ZC3H12C: variants seen among roughly 807,000 people sequenced by gnomAD.
ZC3H12C encodes probable ribonuclease ZC3H12C.
ZC3H12C carries 20 observed loss-of-function variants against 76.3 expected under a neutral mutation model. The observed-to-expected ratio is 0.26, with a 90% CI of 0.18 to 0.38. The LOEUF is 0.38. Among genes scored for constraint, ZC3H12C ranks in the 10% least tolerant of loss-of-function variants. The pLI is 1.00. For synonymous variants in ZC3H12C, 352 were observed against 399.6 expected, an observed-to-expected ratio of 0.88 and a Z score of 1.42; for missense variants, 874 against 1,086.5, an observed-to-expected ratio of 0.80 and a Z score of 2.75.
chr11:110,095,938 A>G (rs1861104895), intron 1 of ZC3H12C, among the ~76,000 whole-genome samples: 1 of 152,234 alleles, frequency 6.6e-6, no homozygotes, highest in Non-Finnish European at 1.5e-5. Flanking sequence ...ATGAAAATTA[A>G]TTCAATCAGG....
At chr11:110,155,686 G>T (rs888089747) in intron 3 of ZC3H12C, among the ~76,000 whole-genome samples, 3 of 152,162 alleles carry the variant, frequency 2.0e-5, no homozygotes, top group Non-Finnish European at 4.4e-5. Context: ...TTGTGTGTCT[G>T]TCTATACAGA....
intron 1 of ZC3H12C, among the ~76,000 whole-genome samples, chr11:110,130,395 T>A (rs552571117): frequency 6.6e-6 from 1 of 152,320 alleles, no homozygotes; most frequent in Middle Eastern, 3.4e-3. Flanking sequence ...TTTGTTTTCT[T>A]GTCTTGCAAC....
intron 3 of ZC3H12C, among the ~76,000 whole-genome samples, chr11:110,158,038 A>T (rs1862409217): frequency 6.6e-6 from 1 of 152,206 alleles, no homozygotes; most frequent in Non-Finnish European, 1.5e-5. Context: ...TGACATCTGT[A>T]GGTTTGTGCC....
rs1028468487 is a variant in ZC3H12C at position 110,167,963 on chromosome 11, T to C, written c.*2226T>C. 2.0e-5 allele frequency: 3 copies of C among 152,198 alleles called. No homozygotes were observed. The highest frequency in any genetic ancestry group is 4.4e-5 in the Non-Finnish European group (3 of 68,018). The allele number at this position is 152,198 out of a possible 1,614,324, so 9.4% of individuals were successfully genotyped here. ...AGGGTTACAAATGTGTAGTATCTTT[T>C]ATTTTAGTCATATTCTAAGACTTCT... On this transcript the variant is annotated 3_prime_UTR_variant, in exon 6 of 6. Coordinates refer to ENST00000278590, the MANE Select transcript of ZC3H12C (RefSeq NM_033390.2).
chr11:110,119,954 C>G (rs1478497429), intron 1 of ZC3H12C, among the ~76,000 whole-genome samples: 3 of 152,224 alleles, frequency 2.0e-5, no homozygotes, highest in Non-Finnish European at 2.9e-5. Context: ...ACATTCAGAT[C>G]ATAGCCCTGT....
chr11:110,155,445 C>G (rs542844290), intron 3 of ZC3H12C, among the ~76,000 whole-genome samples: 5 of 152,014 alleles, frequency 3.3e-5, no homozygotes, highest in Non-Finnish European at 7.4e-5. Flanking sequence ...CCACTAGTTC[C>G]CCTTCTAAGA....
rs1862540818 is a variant in ZC3H12C at position 110,164,532 on chromosome 11, A to C, written c.1447A>C (p.Lys483Gln). 1.2e-6 allele frequency: 2 copies of C among 1,614,010 alleles called. No individual in the cohort carries two copies. The highest frequency in any genetic ancestry group is 4.5e-5 in the East Asian group (2 of 44,872). Residue 483 changes from lysine to glutamine, a missense_variant, in exon 6 of 6, where the codon AAA becomes CAA. Physicochemically the swap from Lys to Gln is moderately conservative, Grantham distance 53. Transcript: ENST00000278590. The surrounding 1 kb of genome is among the most constrained non-coding windows in gnomAD (Gnocchi z 5.7). ...STKADSTSDV[K>Q]RGAPKRQSDP... ...CAAGGCTGATAGCACTTCTGATGTC[A>C]AACGAGGTGCTCCAAAGAGGCAATC...
Position 110,152,791 on chromosome 11 carries a change from A to C in ZC3H12C, c.774-128A>C, listed in dbSNP as rs1409353045. 41 of 1,051,754 alleles carry C rather than the reference A, an allele frequency of 3.9e-5. No homozygotes were observed. In the East Asian group the frequency reaches 1.1e-3, roughly 28 times the overall value. The allele number at this position is 1,051,754 out of a possible 1,614,324, so 65.2% of individuals were successfully genotyped here. A position where few individuals can be genotyped will look rare whatever the true frequency, so the allele number is the denominator to read the frequency against. On this transcript the variant is annotated intron_variant, in intron 2 of 5. Coordinates refer to ENST00000278590, the MANE Select transcript of ZC3H12C (RefSeq NM_033390.2). ...ATCTCGATGTGTCTCTGATCTATAA[A>C]CTCCATTTTAACTCTGACGTCTCTT...
intron 1 of ZC3H12C, among the ~76,000 whole-genome samples, chr11:110,098,123 C>A (rs1379706219): frequency 6.6e-6 from 1 of 152,144 alleles, no homozygotes; most frequent in African/African-American, 2.4e-5. Context: ...CTGTTACCGC[C>A]CCTGAAGACC....
intron 1 of ZC3H12C, among the ~76,000 whole-genome samples, chr11:110,113,322 G>A (rs1276707075): frequency 6.6e-6 from 1 of 152,114 alleles, no homozygotes; most frequent in Admixed American, 6.5e-5. Context: ...GTTAATAGCA[G>A]TATTCACCCA....
At chr11:110,125,356 C>G (rs1187490513) in intron 1 of ZC3H12C, among the ~76,000 whole-genome samples, 1 of 151,376 alleles carries the variant, frequency 6.6e-6, no homozygotes. Flanking sequence ...GAGTCTCGCT[C>G]TGTCATACAG....
chr11:110,122,441 A>T (rs1197340305), intron 1 of ZC3H12C, among the ~76,000 whole-genome samples: 1 of 151,498 alleles, frequency 6.6e-6, no homozygotes. Flanking sequence ...TTCTGCTTTT[A>T]AAAAAAAATC....
At chr11:110,124,194 A>T (rs1211240424) in intron 1 of ZC3H12C, 1 of 152,208 alleles carries the variant, frequency 6.6e-6, no homozygotes, top group East Asian at 1.9e-4. Flanking sequence ...GCTTCTTTGA[A>T]TGTTGGAAGC....
chr11:110,157,998 A>G (rs1210231407), intron 3 of ZC3H12C, among the ~76,000 whole-genome samples: 2 of 152,120 alleles, frequency 1.3e-5, no homozygotes, highest in African/African-American at 4.8e-5. Context: ...AAGCATTGAG[A>G]AGAAGTGAGC....
rs994131967 is a variant in ZC3H12C, at chr11:110,144,389, T to C, written c.773+6975T>C. ...AACGCTATGAGGTAGGTGAGGTTAT[T>C]TTCATTTTAAAGATGAGAAATTGAG... On this transcript the variant is annotated intron_variant, in intron 2 of 5. Transcript: ENST00000278590. Among the ~76,000 whole-genome samples, 4 of 152,190 alleles carry C rather than the reference T, an allele frequency of 2.6e-5. No homozygotes were observed. The East Asian group carries it at 7.7e-4, about 29-fold the overall frequency.
chr11:110,149,066 C>T (rs10891069), intron 2 of ZC3H12C, among the ~76,000 whole-genome samples: 31,028 of 152,094 alleles, frequency 0.2, 3,205 homozygotes, highest in Middle Eastern at 0.29. Context: ...TGACAAGTCC[C>T]ATCTGCAGAT....
intron 1 of ZC3H12C, among the ~76,000 whole-genome samples, chr11:110,102,829 A>G (rs938842031): frequency 6.6e-6 from 1 of 152,218 alleles, no homozygotes; most frequent in Admixed American, 6.5e-5. Flanking sequence ...AGCCATCAAC[A>G]TTGAGGCAAG....
intron 1 of ZC3H12C, among the ~76,000 whole-genome samples, chr11:110,108,323 G>A (rs1416649235): frequency 6.6e-6 from 1 of 152,110 alleles, no homozygotes; most frequent in Non-Finnish European, 1.5e-5. Context: ...CTTTGCAAGA[G>A]CACTGTTTGA....
rs1466448270 is a variant in ZC3H12C at position 110,171,118 on chromosome 11, C to T, written c.*5381C>T. 6.6e-6 allele frequency: 1 copy of T among 152,174 alleles called. No homozygotes were observed. Among genetic ancestry groups the T allele is most frequent in the African/African-American group, 2.4e-5 (1 of 41,444 alleles). The allele number at this position is 152,174 out of a possible 1,614,324, so 9.4% of individuals were successfully genotyped here. ...AGTGTTTCAGATGAATAACAAAACGCTGTTCATTGAAGCTTTCGCCACCTT... is the reference window on the plus strand; with the variant it reads ...AGTGTTTCAGATGAATAACAAAACGTTGTTCATTGAAGCTTTCGCCACCTT... On this transcript the variant is annotated 3_prime_UTR_variant, in exon 6 of 6. Coordinates refer to ENST00000278590, the MANE Select transcript of ZC3H12C (RefSeq NM_033390.2).
Sources: allele counts gnomAD v4.1 joint callset (sites outside exome capture counted in the v4.1 genomes callset), GRCh38; gene constraint gnomAD v4.1.1; non-coding constraint Gnocchi (gnomAD v3.1); transcripts MANE v1.5; gene names NCBI Gene and HGNC (gene_info 2026-07-23, HGNC 2026-07-21).